The following ZNF599 variants were observed in gnomAD, a reference collection of about 807,000 sequenced individuals.
ZNF599 encodes zinc finger protein 599.
ZNF599 carries 10 observed loss-of-function variants against 11.7 expected under a neutral mutation model. The observed-to-expected ratio is 0.86, with a 90% CI of 0.53 to 1.45. The LOEUF is 1.45. Among genes scored for constraint, ZNF599 ranks in the 40% most tolerant of loss-of-function variants. The pLI is 0.00. For missense variants in ZNF599, 688 were observed against 713.6 expected (o/e 0.96, Z 0.41); for synonymous variants, 232 against 253.2 (o/e 0.92, Z 0.79).
chr19:34,799,190 A>T, the ZNF599 span, among the ~76,000 whole-genome samples: 2 of 152,030 alleles, frequency 1.3e-5, no homozygotes, highest in Non-Finnish European at 2.9e-5. Context: ...TTTTGTAGAG[A>T]CGGGGTTTTG....
At chr19:34,793,963 GGCA>G in the ZNF599 span, among the ~76,000 whole-genome samples, 24 of 152,234 alleles carry the variant, frequency 1.6e-4, no homozygotes, top group African/African-American at 5.8e-4. Flanking sequence ...TCCAAGACTG[GGCA>G]ATTTACAAAA....
the ZNF599 span, among the ~76,000 whole-genome samples, chr19:34,790,147 A>G: frequency 6.6e-6 from 1 of 152,206 alleles, no homozygotes; most frequent in African/African-American, 2.4e-5. Flanking sequence ...CTTTGTTAAA[A>G]ATCAATTGGC....
chr19:34,807,446 C>G, the ZNF599 span, among the ~76,000 whole-genome samples: 1,044 of 152,322 alleles, frequency 6.9e-3, 7 homozygotes, highest in Middle Eastern at 0.014. Context: ...GGCACCCTAG[C>G]CTAGCGTCAG....
the ZNF599 span, among the ~76,000 whole-genome samples, chr19:34,791,272 TG>T: frequency 3.3e-5 from 5 of 152,174 alleles, no homozygotes; most frequent in African/African-American, 1.2e-4. Context: ...TGGGTGCAAG[TG>T]GGCATGACTT....
chr19:34,777,391 TATAA>T (rs2069223277), upstream of ZNF599, among the ~76,000 whole-genome samples: 5 of 90,508 alleles, frequency 5.5e-5, no homozygotes, highest in East Asian at 1.1e-3. Flanking sequence ...TTAATTAATA[TATAA>T]TATATATTAT....
chr19:34,785,715 G>A, the ZNF599 span, among the ~76,000 whole-genome samples: 1 of 152,178 alleles, frequency 6.6e-6, no homozygotes, highest in Non-Finnish European at 1.5e-5. Flanking sequence ...GAACAGGGTG[G>A]GAATGTGAGA....
At position 34,760,066 on chromosome 19, in the gene ZNF599, A is replaced by G; in HGVS notation, c.735T>C (p.His245=). 6.2e-7 allele frequency: 1 copy of G among 1,614,088 alleles called. No homozygotes were observed. The highest frequency in any genetic ancestry group is 8.5e-7 in the Non-Finnish European group (1 of 1,180,004). ...ACRYMADVIR[H]MRLHTGEKPY... ...GTTTTTCCCCAGTATGAAGCCTCAT[A>G]TGTCGAATGACATCAGCCATATAAC... The change falls in exon 4 of 4, where the codon CAT becomes CAC. Residue 245 remains histidine (H), a synonymous_variant. Coordinates refer to ENST00000329285, the MANE Select transcript of ZNF599 (RefSeq NM_001007248.3).
chr19:34,802,996 C>G, the ZNF599 span, among the ~76,000 whole-genome samples: 1 of 152,090 alleles, frequency 6.6e-6, no homozygotes, highest in African/African-American at 2.4e-5. Flanking sequence ...AAATAGTGAC[C>G]ATGTCGGTAA....
chr19:34,787,024 T>G, the ZNF599 span, among the ~76,000 whole-genome samples: 1 of 152,108 alleles, frequency 6.6e-6, no homozygotes, highest in Non-Finnish European at 1.5e-5. Flanking sequence ...CACCAAAACC[T>G]AGTGAATCAG....
upstream of ZNF599, among the ~76,000 whole-genome samples, chr19:34,773,951 A>C (rs2069203353): frequency 6.6e-6 from 1 of 152,204 alleles, no homozygotes; most frequent in Non-Finnish European, 1.5e-5. Context: ...GGAGGGTCTG[A>C]GATACTTCTT....
In ZNF599 at chr19:34,759,910, A is replaced by T. The variant is rs774401504; in HGVS notation, c.891T>A (p.Ser297=). The part of the protein sequence containing the change: ...ECGKAFTHRS[S]FIQHNMTHTR... ...TGTGAGTCATATTATGCTGGATAAA[A>T]GAAGAGCGGTGGGTGAATGCTTTGC... Residue 297 remains serine (S), a synonymous_variant, in exon 4 of 4, where the codon TCT becomes TCA. Transcript: ENST00000329285. The T allele has an allele frequency of 6.2e-7, 1 of 1,614,044 alleles. No individual in the cohort carries two copies. The highest frequency in any genetic ancestry group is 8.5e-7 in the Non-Finnish European group (1 of 1,179,974).
intron 3 of ZNF599, chr19:34,765,131 T>A (rs1382190198): frequency 6.5e-6 from 1 of 153,790 alleles, no homozygotes; most frequent in Non-Finnish European, 1.4e-5. Flanking sequence ...ATAGAAGAGG[T>A]AGGAAGTAAG....
the ZNF599 span, among the ~76,000 whole-genome samples, chr19:34,781,401 G>T: frequency 1.3e-5 from 2 of 152,164 alleles, no homozygotes; most frequent in South Asian, 4.1e-4. Flanking sequence ...TTCACAGAGA[G>T]AGCCCTTGCT....
At chr19:34,803,053 A>G in the ZNF599 span, among the ~76,000 whole-genome samples, 1 of 152,162 alleles carries the variant, frequency 6.6e-6, no homozygotes, top group Non-Finnish European at 1.5e-5. Flanking sequence ...TAGCTAGAGG[A>G]AGGGGGCAGA....
At chr19:34,796,762 C>T in the ZNF599 span, among the ~76,000 whole-genome samples, 4 of 152,110 alleles carry the variant, frequency 2.6e-5, no homozygotes, top group Non-Finnish European at 5.9e-5. Context: ...TTTATGTCTC[C>T]TCATCAAACA....
the ZNF599 span, among the ~76,000 whole-genome samples, chr19:34,786,998 G>T: frequency 1.3e-5 from 2 of 152,150 alleles, no homozygotes; most frequent in African/African-American, 4.8e-5. Flanking sequence ...TTTTAAAAAT[G>T]CATGCTCCCT....
chr19:34,791,865 C>G, the ZNF599 span: 2 of 152,368 alleles, frequency 1.3e-5, no homozygotes, highest in Admixed American at 6.5e-5. Flanking sequence ...ACACAATAAT[C>G]TTGCTCATTT....
chr19:34,804,060 T>C, the ZNF599 span, among the ~76,000 whole-genome samples: 9 of 152,188 alleles, frequency 5.9e-5, no homozygotes, highest in African/African-American at 2.2e-4. Flanking sequence ...GGGCAACCCT[T>C]AATCCTGCTA....
chr19:34,779,048 C>G, the ZNF599 span, among the ~76,000 whole-genome samples: 164 of 152,140 alleles, frequency 1.1e-3, no homozygotes, highest in African/African-American at 3.8e-3. Context: ...TGTGGAGAAA[C>G]TGGAACTCAC....
Sources: gnomAD v4.1 joint callset for allele counts (sites outside exome capture counted in the v4.1 genomes callset) on GRCh38, gnomAD v4.1.1 for gene constraint, MANE v1.5 for transcripts, NCBI Gene and HGNC (gene_info 2026-07-23, HGNC 2026-07-21) for gene names.